The following AMPH variants were observed in gnomAD, a reference collection of about 807,000 sequenced individuals.
The protein encoded by AMPH is amphiphysin (Stiff-Mann syndrome with breast cancer 128kD autoantigen).
AMPH carries 49 observed loss-of-function variants against 99.1 expected under a neutral mutation model. The observed-to-expected ratio is 0.49, with a 90% confidence interval of 0.39 to 0.63. The LOEUF (loss-of-function observed/expected upper bound fraction) is 0.63. Ranked by LOEUF, AMPH falls within the 20% of genes least tolerant of loss-of-function variation. The pLI is 0.00. For missense variants in AMPH, 759 were observed against 863.4 expected (o/e 0.88, Z 1.52); for synonymous variants, 314 against 317.3 (o/e 0.99, Z 0.11).
chr7:38,438,203 T>C (rs1188271890), intron 11 of AMPH, among the ~76,000 whole-genome samples: 1 of 152,258 alleles, frequency 6.6e-6, no homozygotes, highest in African/African-American at 2.4e-5. Flanking sequence ...TAACACACTT[T>C]GGTGCAATCT....
At chr7:38,487,812 T>A (rs761828619) in intron 5 of AMPH, among the ~76,000 whole-genome samples, 2 of 149,910 alleles carry the variant, frequency 1.3e-5, no homozygotes, top group Non-Finnish European at 3.0e-5. Flanking sequence ...ACAAAGAACT[T>A]AAACAAATTT....
At chr7:38,577,837 AG>A (rs58437420) in intron 1 of AMPH, among the ~76,000 whole-genome samples, 42,608 of 151,532 alleles carry the variant, frequency 0.28, 6,372 homozygotes, top group Non-Finnish European at 0.34. Context: ...GGAAAGGAGG[AG>A]GGAAGACGGA....
chr7:38,568,899 T>C (rs773876187), intron 1 of AMPH, among the ~76,000 whole-genome samples: 2 of 152,076 alleles, frequency 1.3e-5, no homozygotes, highest in Admixed American at 1.3e-4. Context: ...CAAAGGAAAC[T>C]CAATGATTTT....
At chr7:38,572,581 G>T (rs1792089146) in intron 1 of AMPH, among the ~76,000 whole-genome samples, 1 of 152,186 alleles carries the variant, frequency 6.6e-6, no homozygotes, top group Admixed American at 6.5e-5. Context: ...TATCTGAGCT[G>T]AAGGGATCAG....
intron 17 of AMPH, among the ~76,000 whole-genome samples, chr7:38,409,119 G>T (rs34300016): frequency 0.12 from 18,870 of 152,226 alleles, 1,255 homozygotes; most frequent in Middle Eastern, 0.17. Flanking sequence ...CCACTAATTT[G>T]CTATGGAGCT....
At chr7:38,628,178 G>A (rs1319152930) in intron 1 of AMPH, among the ~76,000 whole-genome samples, 1 of 152,176 alleles carries the variant, frequency 6.6e-6, no homozygotes, top group Non-Finnish European at 1.5e-5. Flanking sequence ...ACAAAAACAC[G>A]AATGCACAAA....
chr7:38,563,812 T>C (rs1222943802), intron 1 of AMPH, among the ~76,000 whole-genome samples: 1 of 152,224 alleles, frequency 6.6e-6, no homozygotes, highest in African/African-American at 2.4e-5. Flanking sequence ...AACACCACCA[T>C]TAGCATTTGA....
At chr7:38,483,579 G>T (rs560051982) in intron 5 of AMPH, among the ~76,000 whole-genome samples, 161 of 152,222 alleles carry the variant, frequency 1.1e-3, no homozygotes, top group African/African-American at 3.8e-3. Flanking sequence ...TAGATGCCTA[G>T]GGGGTGCTAA....
intron 7 of AMPH, among the ~76,000 whole-genome samples, chr7:38,467,230 A>G (rs1281126916): frequency 6.6e-6 from 1 of 152,158 alleles, no homozygotes; most frequent in Admixed American, 6.5e-5. Context: ...ACGAAGCACA[A>G]TATTTATTGG....
At chr7:38,455,814 G>C (rs2893560) in intron 11 of AMPH, among the ~76,000 whole-genome samples, 16,741 of 152,268 alleles carry the variant, frequency 0.11, 1,336 homozygotes, top group East Asian at 0.28. Context: ...TAGGCATTCT[G>C]AGCTAAGCCC....
chr7:38,424,178 A>C (rs1785698065), intron 15 of AMPH, among the ~76,000 whole-genome samples: 1 of 152,244 alleles, frequency 6.6e-6, no homozygotes, highest in Non-Finnish European at 1.5e-5. Context: ...GATAAGCCAG[A>C]AAGTCCTGCA....
At chr7:38,461,971 T>C (rs1366191321) in intron 10 of AMPH, among the ~76,000 whole-genome samples, 5 of 152,238 alleles carry the variant, frequency 3.3e-5, no homozygotes, top group African/African-American at 4.8e-5. Flanking sequence ...ATGATTTTTT[T>C]GGACTTTAGG....
chr7:38,403,142 T>C (rs73348845), intron 17 of AMPH, among the ~76,000 whole-genome samples: 3,154 of 152,188 alleles, frequency 0.021, 95 homozygotes, highest in African/African-American at 0.072. Flanking sequence ...CGAGTGGCCA[T>C]GATCTGAATG....
chr7:38,587,493 G>C (rs185873117), intron 1 of AMPH, among the ~76,000 whole-genome samples: 3 of 152,254 alleles, frequency 2.0e-5, no homozygotes, highest in East Asian at 3.9e-4. Context: ...CACCTGAAAG[G>C]GTATTTGGGG....
At chr7:38,436,793 A>C (rs1033894087) in intron 11 of AMPH, among the ~76,000 whole-genome samples, 1 of 152,244 alleles carries the variant, frequency 6.6e-6, no homozygotes, top group African/African-American at 2.4e-5. Flanking sequence ...TGGACTCATT[A>C]TAGCAATACT....
At chr7:38,462,218 G>A (rs997562762) in intron 10 of AMPH, among the ~76,000 whole-genome samples, 3 of 152,108 alleles carry the variant, frequency 2.0e-5, no homozygotes, top group East Asian at 3.9e-4. Context: ...AAGCGTTCTC[G>A]GCGCGTTTAA....
chr7:38,528,815 T>C (rs1790287630), intron 2 of AMPH, among the ~76,000 whole-genome samples: 1 of 152,050 alleles, frequency 6.6e-6, no homozygotes, highest in South Asian at 2.1e-4. Context: ...AATTAGATTA[T>C]TGATTTAAGA....
chr7:38,548,476 G>C (rs1355626610), intron 1 of AMPH, among the ~76,000 whole-genome samples: 1 of 152,154 alleles, frequency 6.6e-6, no homozygotes, highest in Non-Finnish European at 1.5e-5. Flanking sequence ...GGGGTCCCAA[G>C]ATTAATTTTC....
At chr7:38,432,628 T>C (rs147411035) in intron 12 of AMPH, among the ~76,000 whole-genome samples, 79 of 135,246 alleles carry the variant, frequency 5.8e-4, no homozygotes, top group African/African-American at 1.9e-3. Flanking sequence ...ACACACCTCA[T>C]TAAAATGAAG....
Sources: gnomAD v4.1 joint callset for allele counts (sites outside exome capture counted in the v4.1 genomes callset) on GRCh38, gnomAD v4.1.1 for gene constraint, MANE v1.5 for transcripts, NCBI Gene and HGNC (gene_info 2026-07-23, HGNC 2026-07-21) for gene names.